Variants in ATG16L1 observed in about 807,000 individuals in gnomAD.
ATG16L1 encodes autophagy related 16 like 1, also known as autophagy-related protein 16-1.
ATG16L1 carries 37 observed loss-of-function variants against 88.5 expected under a neutral mutation model. The ratio of observed to expected loss-of-function variants is 0.42; its 90% CI spans 0.32 to 0.55. ATG16L1 has a LOEUF of 0.55. Ranked by LOEUF, ATG16L1 falls within the 20% of genes least tolerant of loss-of-function variation. The pLI, the probability that ATG16L1 is intolerant of heterozygous loss-of-function variation, is 0.13. For synonymous variants in ATG16L1, 301 were observed against 281.0 expected, an observed-to-expected ratio of 1.07 and a Z score of -0.71; for missense variants, 554 against 752.8, an observed-to-expected ratio of 0.74 and a Z score of 3.09.
intron 2 of ATG16L1, among the ~76,000 whole-genome samples, chr2:233,261,748 A>G (rs1435897624): frequency 1.3e-5 from 2 of 152,178 alleles, no homozygotes; most frequent in Non-Finnish European, 2.9e-5. Flanking sequence ...GCTGCTCACT[A>G]TAGTCTGATA....
At chr2:233,272,264 G>A (rs148089751) in intron 6 of ATG16L1, among the ~76,000 whole-genome samples, 8 of 152,302 alleles carry the variant, frequency 5.3e-5, no homozygotes, top group East Asian at 1.9e-4. Context: ...CTTTGCATCC[G>A]CTGGGATAAA....
chr2:233,294,006 A>G (rs551762451), intron 17 of ATG16L1, among the ~76,000 whole-genome samples: 42 of 152,328 alleles, frequency 2.8e-4, no homozygotes, highest in African/African-American at 1.0e-3. Flanking sequence ...AGAGTGTGAT[A>G]AGGCCTGACT....
intron 10 of ATG16L1, among the ~76,000 whole-genome samples, chr2:233,280,501 G>A (rs937918753): frequency 8.6e-5 from 13 of 152,018 alleles, no homozygotes; most frequent in African/African-American, 2.2e-4. Context: ...CACTTAGTTC[G>A]CTTGCCAGGA....
intron 11 of ATG16L1, among the ~76,000 whole-genome samples, chr2:233,282,442 G>A (rs1479146709): frequency 6.6e-6 from 1 of 152,142 alleles, no homozygotes; most frequent in Non-Finnish European, 1.5e-5. Flanking sequence ...GGTTCCATTT[G>A]GAGCTTGAGG....
At chr2:233,277,492 G>T in intron 9 of ATG16L1, 76 bp from the exon 10 acceptor site, 2 of 1,328,618 alleles carry the variant, frequency 1.5e-6, no homozygotes, top group South Asian at 1.2e-5. Flanking sequence ...CATGAATTAG[G>T]CATTTGGAGT....
At position 233,290,000 on chromosome 2, in the gene ATG16L1, G is replaced by A. The variant is rs563823175; in HGVS notation, c.1324+26G>A. ...GTGAGGAAATTCAGTCTCTCTGTCT[G>A]TGTATATGCTTAGATGTTAGCGTGG... On this transcript the variant is annotated intron_variant, in intron 13 of 17. Transcript: ENST00000392017. 3.1e-6 allele frequency: 5 copies of A among 1,610,810 alleles called. No homozygotes were observed. The Admixed American group carries it at 6.7e-5, about 21-fold the overall frequency.
intron 5 of ATG16L1, among the ~76,000 whole-genome samples, chr2:233,269,744 T>G (rs1317094077): frequency 3.3e-5 from 5 of 152,208 alleles, no homozygotes; most frequent in African/African-American, 9.7e-5. Context: ...AAGGCAGGCC[T>G]CCTCCTTTGC....
intron 12 of ATG16L1, 138 bp from the exon 13 acceptor site, chr2:233,289,716 A>T: frequency 4.4e-6 from 5 of 1,143,962 alleles, no homozygotes; most frequent in Non-Finnish European, 6.2e-6. Context: ...TTGCTGTCTT[A>T]TCGCTTTGAG....
Position 233,290,266 on chromosome 2 carries a change from C to T in ATG16L1, c.1343C>T (p.Ala448Val). ...RSKVCIKTVFAGSSCNDIVCT... is the reference protein window; with the variant it reads ...RSKVCIKTVFVGSSCNDIVCT... ...CTTTCAGGCATAAAGACAGTGTTTGCAGGATCCAGTTGCAATGATATTGTC... is the reference window on the plus strand; with the variant it reads ...CTTTCAGGCATAAAGACAGTGTTTGTAGGATCCAGTTGCAATGATATTGTC... The change falls in exon 14 of 18, where the codon GCA (alanine) becomes GTA (valine). Residue 448 changes from alanine to valine, a missense_variant. Physicochemically the swap from Ala to Val is moderately conservative, Grantham distance 64. Transcript: ENST00000392017. 1.2e-6 allele frequency: 2 copies of T among 1,614,118 alleles called. No individual in the cohort carries two copies. The highest frequency in any genetic ancestry group is 2.2e-5 in the South Asian group (2 of 91,084).
At chr2:233,259,175 A>T (rs1200860490) in intron 2 of ATG16L1, among the ~76,000 whole-genome samples, 14 of 152,202 alleles carry the variant, frequency 9.2e-5, no homozygotes, top group Admixed American at 9.2e-4. Context: ...GGGGGTACTT[A>T]GGCAGTAGAA....
intron 1 of ATG16L1, 67 bp from the exon 2 acceptor site, chr2:233,256,035 T>G: frequency 7.8e-7 from 1 of 1,286,870 alleles, no homozygotes. Flanking sequence ...CATGACAAGG[T>G]AGGTACCTAG....
chr2:233,258,015 AAATATC>A (rs1460318705), intron 2 of ATG16L1, among the ~76,000 whole-genome samples: 59 of 92,856 alleles, frequency 6.4e-4, no homozygotes, highest in African/African-American at 1.3e-3. Flanking sequence ...AAAAAAAAAA[AAATATC>A]TATATATCTA....
chr2:233,292,560 G>T, intron 16 of ATG16L1, 126 bp downstream of exon 16: 1 of 1,178,086 alleles, frequency 8.5e-7, no homozygotes, highest in Non-Finnish European at 1.2e-6. Flanking sequence ...GAGTGTGCCT[G>T]TAAGTTCATA....
At chr2:233,290,034 G>A (rs1699358780) in intron 13 of ATG16L1, 60 bp downstream of exon 13, 2 of 1,598,484 alleles carry the variant, frequency 1.3e-6, no homozygotes, top group Admixed American at 1.7e-5. Context: ...GGAGGTGTGT[G>A]TTTGCACGTC....
At chr2:233,289,377 A>ATGTGTGTGTGTGTGTG (rs56993445) in intron 12 of ATG16L1, among the ~76,000 whole-genome samples, 11,340 of 128,888 alleles carry the variant, frequency 0.088, 706 homozygotes, top group South Asian at 0.19. Context: ...CCTGTTTGGG[A>ATGTGTGTGTGTGTGTG]TGTGTGTGTG....
intron 2 of ATG16L1, among the ~76,000 whole-genome samples, chr2:233,257,281 G>A (rs1219593686): frequency 2.0e-5 from 3 of 151,468 alleles, no homozygotes; most frequent in East Asian, 2.0e-4. Context: ...CGCCCGCCTC[G>A]GCCTCCCAGA....
intron 5 of ATG16L1, chr2:233,266,250 G>T: frequency 6.6e-6 from 1 of 152,498 alleles, no homozygotes; most frequent in South Asian, 2.0e-4. Context: ...TTGAAACCAG[G>T]AGTTTCAAGA....
chr2:233,292,472 A>C, intron 16 of ATG16L1, 38 bp downstream of exon 16: 5 of 1,611,726 alleles, frequency 3.1e-6, no homozygotes, highest in Non-Finnish European at 4.2e-6. Context: ...TTGGTTCATC[A>C]CAAAGAGTCC....
At position 233,265,232 on chromosome 2, in the gene ATG16L1, C is replaced by T. The variant is rs531827144; in HGVS notation, c.641+89C>T. 11 of 1,486,280 alleles carry T rather than the reference C, an allele frequency of 7.4e-6. No individual in the cohort carries two copies. In the Admixed American group the frequency reaches 1.9e-4, roughly 26 times the overall value. 92.1% of individuals were successfully genotyped at this position (1,486,280 alleles called of 1,614,324 possible). A position where few individuals can be genotyped will look rare whatever the true frequency, so the allele number is the denominator to read the frequency against. On this transcript the variant is annotated intron_variant, in intron 5 of 17. Transcript: ENST00000392017. The stretch of plus-strand genomic sequence containing the variant: ...AAGAAAGAGATAAACCTGGCAGTTA[C>T]TACAGGAGGTTTACCAGGGAATTCT...
Sources: gnomAD v4.1 joint callset for allele counts (sites outside exome capture counted in the v4.1 genomes callset) on GRCh38, gnomAD v4.1.1 for gene constraint, MANE v1.5 for transcripts, NCBI Gene and HGNC (gene_info 2026-07-23, HGNC 2026-07-21) for gene names.